The following UHRF2 variants were observed in gnomAD, a reference collection of about 807,000 sequenced individuals.
UHRF2 encodes the protein ubiquitin like with PHD and ring finger domains 2.
A neutral mutation model predicts 96.8 loss-of-function variants in UHRF2; 23 were observed. The observed-to-expected ratio is 0.24, with a 90% confidence interval of 0.17 to 0.34. The LOEUF (loss-of-function observed/expected upper bound fraction) is 0.34, where lower values mean the gene tolerates loss of function less well. UHRF2 is among the 10% of genes least tolerant of loss of function. The pLI is 1.00. For synonymous variants in UHRF2, 385 were observed against 332.6 expected (o/e 1.16, Z -1.72); for missense variants, 685 against 981.5 (o/e 0.70, Z 4.04).
intron 9 of UHRF2, chr9:6,492,520 T>G (rs750489914): frequency 3.5e-5 from 10 of 289,114 alleles, no homozygotes; most frequent in Non-Finnish European, 5.2e-5. Context: ...AAAGTAAATT[T>G]AAGGGTTTTG....
chr9:6,479,428 C>T (rs994345122), intron 6 of UHRF2, among the ~76,000 whole-genome samples: 5 of 152,110 alleles, frequency 3.3e-5, no homozygotes, highest in Non-Finnish European at 7.4e-5. Context: ...TTGTTGGGTT[C>T]CCGTCACCTA....
At chr9:6,470,739 T>C (rs1399060182) in intron 4 of UHRF2, among the ~76,000 whole-genome samples, 1 of 152,224 alleles carries the variant, frequency 6.6e-6, no homozygotes, top group African/African-American at 2.4e-5. Context: ...AAATTTAAAG[T>C]AGATTATATC....
chr9:6,478,282 C>T (rs1823709574), intron 6 of UHRF2, among the ~76,000 whole-genome samples: 1 of 152,192 alleles, frequency 6.6e-6, no homozygotes, highest in South Asian at 2.1e-4. Context: ...AAACATTACC[C>T]TCTTTGGTTA....
At position 6,499,828 on chromosome 9, in the gene UHRF2, C is replaced by G. The variant is rs373027120; in HGVS notation, c.1909-7C>G. On this transcript the variant is annotated splice_region_variant and splice_polypyrimidine_tract_variant and intron_variant, in intron 12 of 15. Transcript: ENST00000276893. The stretch of plus-strand genomic sequence containing the variant: ...GCATTGTACTCTCCCTCCTCCCCCC[C>G]CATCAGTATCCAGCAGGTTACCCTT... 3.9e-5 allele frequency: 63 copies of G among 1,598,970 alleles called. No individual in the cohort carries two copies. Among genetic ancestry groups the G allele is most frequent in the Middle Eastern group, 3.3e-4 (2 of 5,998 alleles).
chr9:6,417,052 C>T (rs1037590387), intron 1 of UHRF2, among the ~76,000 whole-genome samples: 1 of 151,982 alleles, frequency 6.6e-6, no homozygotes, highest in Non-Finnish European at 1.5e-5. Context: ...ATGTATATAA[C>T]ATATATAATA....
rs1390918867 is a variant in UHRF2 at position 6,413,301 on chromosome 9, G to T, written c.-190G>T. 2.2e-5 allele frequency: 7 copies of T among 321,742 alleles called. No homozygotes were observed. In the East Asian group the frequency reaches 4.6e-4, roughly 21 times the overall value. The allele number at this position is 321,742 out of a possible 1,614,324, so 19.9% of individuals were successfully genotyped here. A position where few individuals can be genotyped will look rare whatever the true frequency, so the allele number is the denominator to read the frequency against. On this transcript the variant is annotated 5_prime_UTR_variant, in exon 1 of 16. Coordinates refer to ENST00000276893, the MANE Select transcript of UHRF2 (RefSeq NM_152896.3). Reference sequence around the variant, plus strand: ...GGTTCCGGTCGTCTCTCCTCAAGTCGGCTAGTCGGGCGCGCGCGCTGAGAG... The same window carrying T: ...GGTTCCGGTCGTCTCTCCTCAAGTCTGCTAGTCGGGCGCGCGCGCTGAGAG...
At chr9:6,476,602 G>T (rs1467576317) in intron 5 of UHRF2, among the ~76,000 whole-genome samples, 3 of 151,878 alleles carry the variant, frequency 2.0e-5, no homozygotes, top group Non-Finnish European at 4.4e-5. Context: ...TTTGTTTTTT[G>T]TTTTTTGTTT....
At chr9:6,466,367 A>G (rs1022475435) in intron 4 of UHRF2, among the ~76,000 whole-genome samples, 4 of 152,092 alleles carry the variant, frequency 2.6e-5, no homozygotes, top group Non-Finnish European at 5.9e-5. Flanking sequence ...GTGAAACGCC[A>G]TCTCTACTAA....
At chr9:6,479,149 C>T (rs781507233) in intron 6 of UHRF2, among the ~76,000 whole-genome samples, 3 of 152,138 alleles carry the variant, frequency 2.0e-5, no homozygotes, top group South Asian at 2.1e-4. Flanking sequence ...CTGCCTACCC[C>T]GTTCTCTGCT....
At chr9:6,417,958 C>T (rs1587754361) in intron 1 of UHRF2, among the ~76,000 whole-genome samples, 1 of 152,148 alleles carries the variant, frequency 6.6e-6, no homozygotes, top group Non-Finnish European at 1.5e-5. Flanking sequence ...CAATTTCCAG[C>T]AGTTTTATCA....
At chr9:6,430,484 T>C (rs1354410290) in intron 2 of UHRF2, among the ~76,000 whole-genome samples, 1 of 152,238 alleles carries the variant, frequency 6.6e-6, no homozygotes, top group Admixed American at 6.5e-5. Context: ...CCTTACTGGC[T>C]GAGGAGAGAC....
chr9:6,496,412 A>C (rs1417991796), intron 10 of UHRF2: 1 of 152,234 alleles, frequency 6.6e-6, no homozygotes, highest in African/African-American at 2.4e-5. Context: ...TTCTCCCAAG[A>C]GTAAGGTCTT....
At chr9:6,419,733 G>C (rs1322304029) in intron 1 of UHRF2, among the ~76,000 whole-genome samples, 1 of 151,796 alleles carries the variant, frequency 6.6e-6, no homozygotes, top group Non-Finnish European at 1.5e-5. Context: ...AACATTTTGG[G>C]ATTTATTTAT....
chr9:6,481,694 A>G lies in UHRF2; in HGVS notation c.1212A>G (p.Glu404=), dbSNP rs764828911. Residue 404 remains glutamate (E), a synonymous_variant, in exon 7 of 16, where the codon GAA becomes GAG. Coordinates refer to ENST00000276893, the MANE Select transcript of UHRF2 (RefSeq NM_152896.3). ...CCAGTGAAGTTGTAAAGGCTGGTGA[A>G]AGACTCAAGATGAGTAAAAAGAAAG... The part of the protein sequence containing the change: ...TDSSEVVKAG[E]RLKMSKKKAK... 1 of 1,613,812 alleles carries G rather than the reference A, an allele frequency of 6.2e-7. No homozygotes were observed. Among genetic ancestry groups the G allele is most frequent in the Non-Finnish European group, 8.5e-7 (1 of 1,179,880 alleles).
chr9:6,504,552 ACTG>A (rs1563813942), intron 14 of UHRF2, 38 bp from the exon 15 acceptor site: 1 of 1,404,660 alleles, frequency 7.1e-7, no homozygotes, highest in Non-Finnish European at 1.0e-6. Context: ...CATATTATGA[ACTG>A]CTAACTTTTC....
intron 3 of UHRF2, among the ~76,000 whole-genome samples, chr9:6,450,015 A>T (rs544679699): frequency 6.6e-6 from 1 of 152,112 alleles, no homozygotes; most frequent in Non-Finnish European, 1.5e-5. Flanking sequence ...TTTTGACTGT[A>T]TTAACTCAGC....
Position 6,468,390 on chromosome 9 carries a change from T to A in UHRF2, c.864-7001T>A, listed in dbSNP as rs573834577. 6.4e-5 allele frequency: 29 copies of A among 454,274 alleles called. 1 individual carries two copies. The highest frequency in any genetic ancestry group is 4.5e-4 in the South Asian group (29 of 64,522). The allele number at this position is 454,274 out of a possible 1,614,324, so 28.1% of individuals were successfully genotyped here. A position where few individuals can be genotyped will look rare whatever the true frequency, so the allele number is the denominator to read the frequency against. On this transcript the variant is annotated intron_variant, in intron 4 of 15. Coordinates refer to ENST00000276893, the MANE Select transcript of UHRF2 (RefSeq NM_152896.3). ...CTGGCAGTAGATTAGTGCTTTTAGCTAAAACAACTAAATAGCCCGATCAAA... is the reference window on the plus strand; with the variant it reads ...CTGGCAGTAGATTAGTGCTTTTAGCAAAAACAACTAAATAGCCCGATCAAA...
intron 14 of UHRF2, among the ~76,000 whole-genome samples, chr9:6,503,462 A>G (rs993714092): frequency 1.3e-5 from 2 of 152,174 alleles, no homozygotes; most frequent in East Asian, 1.9e-4. Flanking sequence ...TTTGAAGAAT[A>G]CAGGGTATCC....
At chr9:6,477,191 A>C (rs1823628987) in intron 5 of UHRF2, among the ~76,000 whole-genome samples, 1 of 150,114 alleles carries the variant, frequency 6.7e-6, no homozygotes, top group African/African-American at 2.5e-5. Flanking sequence ...TAAGATTGGC[A>C]CCATTGCACT....
Sources: allele counts gnomAD v4.1 joint callset (sites outside exome capture counted in the v4.1 genomes callset), GRCh38; gene constraint gnomAD v4.1.1; transcripts MANE v1.5; gene names NCBI Gene and HGNC (gene_info 2026-07-23, HGNC 2026-07-21).